The following TMEM170B variants were observed in gnomAD, a reference collection of about 807,000 sequenced individuals.
TMEM170B encodes the protein transmembrane protein 170B.
A neutral mutation model predicts 13.0 loss-of-function variants in TMEM170B; 6 were observed. The observed-to-expected ratio is 0.46, with a 90% CI of 0.25 to 0.91. The LOEUF is 0.91. Among genes scored for constraint, TMEM170B ranks in the 40% least tolerant of loss-of-function variants. TMEM170B has a pLI of 0.17. For synonymous variants in TMEM170B, 61 were observed against 64.9 expected (o/e 0.94, Z 0.29); for missense variants, 138 against 165.2 (o/e 0.84, Z 0.90).
chr6:11,547,888 A>G (rs1759461442), intron 1 of TMEM170B, among the ~76,000 whole-genome samples: 1 of 152,192 alleles, frequency 6.6e-6, no homozygotes, highest in African/African-American at 2.4e-5. Context: ...TGATAATAAA[A>G]TGTATTTATC....
At chr6:11,572,916 C>T (rs1022155030) in intron 2 of TMEM170B, among the ~76,000 whole-genome samples, 23 of 152,198 alleles carry the variant, frequency 1.5e-4, no homozygotes, top group African/African-American at 4.8e-4. Context: ...TCAGTTCATA[C>T]AAATCTATAT....
chr6:11,562,010 AAATT>A (rs954464614), intron 1 of TMEM170B, among the ~76,000 whole-genome samples: 3 of 152,320 alleles, frequency 2.0e-5, no homozygotes, highest in South Asian at 2.1e-4. Flanking sequence ...GTCAATAAAT[AAATT>A]ATTTCCTCTA....
intron 1 of TMEM170B, among the ~76,000 whole-genome samples, chr6:11,541,918 G>C (rs940091857): frequency 2.6e-5 from 4 of 152,170 alleles, no homozygotes; most frequent in African/African-American, 7.2e-5. Context: ...TGGTGGAGCA[G>C]TGAGAACACA....
chr6:11,566,708 T>C (rs537776876), intron 2 of TMEM170B, among the ~76,000 whole-genome samples: 2 of 152,352 alleles, frequency 1.3e-5, no homozygotes, highest in South Asian at 4.1e-4. Flanking sequence ...CATTTAACCT[T>C]GGTGCTATGA....
Position 11,537,992 on chromosome 6 carries a change from C to A in TMEM170B, c.-286C>A, listed in dbSNP as rs1019266415. Among the ~76,000 whole-genome samples, 1 of 151,246 alleles carries A rather than the reference C, an allele frequency of 6.6e-6. No individual in the cohort carries two copies. The highest frequency in any genetic ancestry group is 1.5e-5 in the Non-Finnish European group (1 of 67,634). On this transcript the variant is annotated 5_prime_UTR_variant, in exon 1 of 3. Transcript: ENST00000379426. ...CGGCCTCCTCCGCCCCGAGTCCTCG[C>A]TCGGGGGCCGCGCGAGGACGGCGCC... is the stretch of plus-strand genomic sequence containing the variant.
intron 1 of TMEM170B, among the ~76,000 whole-genome samples, chr6:11,541,027 C>T (rs962312269): frequency 6.6e-6 from 1 of 152,020 alleles, no homozygotes; most frequent in South Asian, 2.1e-4. Context: ...TTCAGTAGGC[C>T]GTGCTGTAAA....
intron 1 of TMEM170B, among the ~76,000 whole-genome samples, chr6:11,551,370 C>T (rs138708106): frequency 1.3e-5 from 2 of 152,230 alleles, no homozygotes; most frequent in Non-Finnish European, 2.9e-5. Flanking sequence ...GCAGACTGCA[C>T]AAGGGTGTGG....
intron 1 of TMEM170B, among the ~76,000 whole-genome samples, chr6:11,543,078 T>G (rs952781656): frequency 2.6e-5 from 4 of 152,216 alleles, no homozygotes; most frequent in Non-Finnish European, 5.9e-5. Context: ...ATTAATTTCT[T>G]GCTTCATCTT....
intron 1 of TMEM170B, among the ~76,000 whole-genome samples, chr6:11,560,848 T>G (rs180712590): frequency 4.4e-4 from 67 of 152,328 alleles, no homozygotes; most frequent in Admixed American, 4.1e-3. Context: ...TCAGTATTTT[T>G]TAGACATCTA....
In TMEM170B at chr6:11,538,455, C is replaced by T. The variant is rs1381503587; in HGVS notation, c.97+81C>T. Reference sequence around the variant, plus strand: ...CTCCTTCCTCGGGAGGGGACACGCTCCTCGCCGCCCCACCCCCGTGCGCGC... The same window carrying T: ...CTCCTTCCTCGGGAGGGGACACGCTTCTCGCCGCCCCACCCCCGTGCGCGC... On this transcript the variant is annotated intron_variant, in intron 1 of 2. Coordinates refer to ENST00000379426, the MANE Select transcript of TMEM170B (RefSeq NM_001100829.3). 12 of 1,058,318 alleles carry T rather than the reference C, an allele frequency of 1.1e-5. No homozygotes were observed. In the Admixed American group the frequency reaches 2.2e-4, roughly 19 times the overall value. 65.6% of individuals were successfully genotyped at this position (1,058,318 alleles called of 1,614,324 possible).
At position 11,575,038 on chromosome 6, in the gene TMEM170B, C is replaced by A. The variant is rs1433611485; in HGVS notation, c.269-393C>A. Among the ~76,000 whole-genome samples the A allele has an allele frequency of 6.6e-6, 1 of 151,860 alleles. No homozygotes were observed. The highest frequency in any genetic ancestry group is 2.4e-5 in the African/African-American group (1 of 41,376). On this transcript the variant is annotated intron_variant, in intron 2 of 2. Transcript: ENST00000379426. This position sits in a 1 kb window ranked among gnomAD's most constrained non-coding sequence, Gnocchi z 4.1. Reference sequence around the variant, plus strand: ...AATTACATTAAATTATGTTATTTTTCTGCATTATCACTTGTAATTATCAGT... The same window carrying A: ...AATTACATTAAATTATGTTATTTTTATGCATTATCACTTGTAATTATCAGT...
intron 1 of TMEM170B, among the ~76,000 whole-genome samples, chr6:11,559,836 T>A (rs74771070): frequency 5.6e-4 from 85 of 151,970 alleles, no homozygotes; most frequent in African/African-American, 1.2e-3. Context: ...AAAGAAAAAA[T>A]ATATATATAA....
chr6:11,545,510 C>A (rs888367496), intron 1 of TMEM170B, among the ~76,000 whole-genome samples: 2 of 152,046 alleles, frequency 1.3e-5, no homozygotes, highest in South Asian at 4.1e-4. Flanking sequence ...TAAAAAAATT[C>A]TGTCACCTAC....
intron 1 of TMEM170B, among the ~76,000 whole-genome samples, chr6:11,558,327 T>G (rs1428787117): frequency 6.6e-6 from 1 of 152,236 alleles, no homozygotes; most frequent in Non-Finnish European, 1.5e-5. Context: ...CAGCCTCATC[T>G]TACCATATTT....
chr6:11,565,564 T>TA (rs1759721999), intron 1 of TMEM170B, 102 bp from the exon 2 acceptor site: 1 of 1,211,984 alleles, frequency 8.3e-7, no homozygotes, highest in South Asian at 1.3e-5. Context: ...TTCTATGTAT[T>TA]ATGTCATTTA....
Position 11,548,860 on chromosome 6 carries a change from G to A in TMEM170B, c.97+10486G>A, listed in dbSNP as rs190320201. 2.6e-5 allele frequency among the ~76,000 whole-genome samples: 4 copies of A among 151,742 alleles called. No homozygotes were observed. The East Asian group carries it at 7.8e-4, about 29-fold the overall frequency. ...AGATCGCGTGCTCTCACTCATAGGT[G>A]GGAATTGGAACAATGAAAACACTTG... On this transcript the variant is annotated intron_variant, in intron 1 of 2. Coordinates refer to ENST00000379426, the MANE Select transcript of TMEM170B (RefSeq NM_001100829.3).
chr6:11,573,736 G>A (rs968854466), intron 2 of TMEM170B, among the ~76,000 whole-genome samples: 1 of 152,160 alleles, frequency 6.6e-6, no homozygotes, highest in Non-Finnish European at 1.5e-5. Flanking sequence ...CTTAGTATCA[G>A]AGGGATGGAG....
At chr6:11,567,626 G>A (rs1246583069) in intron 2 of TMEM170B, among the ~76,000 whole-genome samples, 1 of 152,094 alleles carries the variant, frequency 6.6e-6, no homozygotes, top group African/African-American at 2.4e-5. Flanking sequence ...GCTATTTTTT[G>A]TTATCTTGTG....
chr6:11,553,675 TAG>T (rs1759552269), intron 1 of TMEM170B, among the ~76,000 whole-genome samples: 1 of 152,214 alleles, frequency 6.6e-6, no homozygotes, highest in African/African-American at 2.4e-5. Flanking sequence ...AAGAAAAGTT[TAG>T]AGGTTTTACT....
Sources: allele counts gnomAD v4.1 joint callset (sites outside exome capture counted in the v4.1 genomes callset), GRCh38; gene constraint gnomAD v4.1.1; non-coding constraint Gnocchi (gnomAD v3.1); transcripts MANE v1.5; gene names NCBI Gene and HGNC (gene_info 2026-07-23, HGNC 2026-07-21).